Variants in ACTR8 observed in about 807,000 individuals in gnomAD.
The protein encoded by ACTR8 is actin related protein 8.
ACTR8 carries 70 observed loss-of-function variants against 84.3 expected under a neutral mutation model. That is an observed-to-expected ratio of 0.83 (90% CI 0.68 to 1.01). ACTR8 has a LOEUF of 1.01. ACTR8 is among the 50% of genes least tolerant of loss of function. ACTR8 has a pLI of 0.00. For missense variants in ACTR8, 672 were observed against 775.4 expected (o/e 0.87, Z 1.58); for synonymous variants, 268 against 275.2 (o/e 0.97, Z 0.26).
chr3:53,878,945 T>G (rs1164877119), intron 2 of ACTR8, among the ~76,000 whole-genome samples: 1 of 152,234 alleles, frequency 6.6e-6, no homozygotes, highest in African/African-American at 2.4e-5. Flanking sequence ...CTCACAGCAC[T>G]AATCAAAGCA....
chr3:53,870,873 C>G lies in ACTR8; in HGVS notation c.1567+359G>C, dbSNP rs1036461045. 6.6e-6 allele frequency among the ~76,000 whole-genome samples: 1 copy of G among 152,146 alleles called. No homozygotes were observed. The highest frequency in any genetic ancestry group is 1.5e-5 in the Non-Finnish European group (1 of 68,028). Reference sequence around the variant, plus strand: ...CTTTCCCTGCCTCCCACCTTCCATACCATCCCCTAGTGAGTAAAGATTCTA... The same window carrying G: ...CTTTCCCTGCCTCCCACCTTCCATAGCATCCCCTAGTGAGTAAAGATTCTA... On this transcript the variant is annotated intron_variant, in intron 11 of 12. Coordinates refer to ENST00000335754, the MANE Select transcript of ACTR8 (RefSeq NM_022899.5). The surrounding 1 kb of genome is among the most constrained non-coding windows in gnomAD (Gnocchi z 4.1).
intron 12 of ACTR8, among the ~76,000 whole-genome samples, chr3:53,869,163 C>G (rs1348842968): frequency 6.6e-6 from 1 of 152,144 alleles, no homozygotes; most frequent in Non-Finnish European, 1.5e-5. Context: ...CACCTGTAGT[C>G]CCAGCTACTC....
At position 53,874,367 on chromosome 3, in the gene ACTR8, AAAGTT is replaced by A. The variant is rs1387048631; in HGVS notation, c.912-8_912-4del. The A allele has an allele frequency of 5.6e-6, 9 of 1,611,802 alleles. No homozygotes were observed. Among genetic ancestry groups the A allele is most frequent in the Non-Finnish European group, 6.8e-6 (8 of 1,179,356 alleles). ...ATCCTCCGTATGCCAGACAAAGCCT[AAAGTT>A]AAGAGAAAAGGGTAGATGGTTAATC... is the stretch of plus-strand genomic sequence containing the variant. On this transcript the variant is annotated splice_region_variant and splice_polypyrimidine_tract_variant and intron_variant, in intron 7 of 12. Transcript: ENST00000335754.
At position 53,880,243 on chromosome 3, in the gene ACTR8, A is replaced by G; in HGVS notation, c.124-134T>C. 4 of 933,952 alleles carry G rather than the reference A, an allele frequency of 4.3e-6. No individual in the cohort carries two copies. The East Asian group carries it at 1.0e-4, about 24-fold the overall frequency. The allele number at this position is 933,952 out of a possible 1,614,324, so 57.9% of individuals were successfully genotyped here. On this transcript the variant is annotated intron_variant, in intron 1 of 12. Coordinates refer to ENST00000335754, the MANE Select transcript of ACTR8 (RefSeq NM_022899.5). Reference sequence around the variant, plus strand: ...AAATAATTCAATAAAGTTCTTTGAGAAGTATCCAATTACCGCTCTCTACCT... The same window carrying G: ...AAATAATTCAATAAAGTTCTTTGAGGAGTATCCAATTACCGCTCTCTACCT...
chr3:53,877,593 TAGG>T, intron 4 of ACTR8, 51 bp downstream of exon 4: 2 of 1,559,096 alleles, frequency 1.3e-6, no homozygotes, highest in African/African-American at 1.4e-5. Context: ...AAATGAATTT[TAGG>T]AGGAGGATCA....
chr3:53,864,279 G>A (rs1232789202), downstream of ACTR8, among the ~76,000 whole-genome samples: 1 of 152,234 alleles, frequency 6.6e-6, no homozygotes, highest in African/African-American at 2.4e-5. Flanking sequence ...GCTCACGCCT[G>A]TAATCCCAGC....
intron 6 of ACTR8, among the ~76,000 whole-genome samples, 193 bp downstream of exon 6, chr3:53,876,427 G>A (rs1174437175): frequency 6.6e-6 from 1 of 152,032 alleles, no homozygotes; most frequent in Non-Finnish European, 1.5e-5. Flanking sequence ...GCTGAGGCAG[G>A]AGAGTGGCGT....
At chr3:53,866,631 A>G (rs565160048), downstream of ACTR8, among the ~76,000 whole-genome samples, 223 of 146,706 alleles carry the variant, frequency 1.5e-3, no homozygotes, top group Non-Finnish European at 2.2e-3. Context: ...ACAGGCACCC[A>G]CCACCACACC....
At position 53,868,628 on chromosome 3, in the gene ACTR8, A is replaced by C; in HGVS notation, c.*91T>G. 1 of 1,522,190 alleles carries C rather than the reference A, an allele frequency of 6.6e-7. No individual in the cohort carries two copies. The highest frequency in any genetic ancestry group is 8.8e-7 in the Non-Finnish European group (1 of 1,130,214). The allele number at this position is 1,522,190 out of a possible 1,614,324, so 94.3% of individuals were successfully genotyped here. A position where few individuals can be genotyped will look rare whatever the true frequency, so the allele number is the denominator to read the frequency against. On this transcript the variant is annotated 3_prime_UTR_variant, in exon 13 of 13. Transcript: ENST00000335754. The stretch of plus-strand genomic sequence containing the variant: ...TACTGTCCATGACACTTAAGCATCC[A>C]GATCAATAAATTACAATACACATAT...
In ACTR8 at chr3:53,868,597, T is replaced by C. The variant is rs1293035004; in HGVS notation, c.*122A>G. On this transcript the variant is annotated 3_prime_UTR_variant, in exon 13 of 13. Transcript: ENST00000335754. ...TCATGTCCTCAACATAAAGTTCAAA[T>C]TCATTTACTGTCCATGACACTTAAG... 2 of 1,416,860 alleles carry C rather than the reference T, an allele frequency of 1.4e-6. No individual in the cohort carries two copies. The highest frequency in any genetic ancestry group is 2.9e-5 in the African/African-American group (2 of 69,052). The allele number at this position is 1,416,860 out of a possible 1,614,324, so 87.8% of individuals were successfully genotyped here.
rs1395000962 is a variant in ACTR8 at position 53,870,062 on chromosome 3, G to C, written c.1651C>G (p.Leu551Val). Reference sequence around the variant, plus strand: ...ATTTTGTTGAGAATTCTGTGCTGCAGAAATTCTTGAGCTTTATGAAACATC... The same window carrying C: ...ATTTTGTTGAGAATTCTGTGCTGCACAAATTCTTGAGCTTTATGAAACATC... ...GLMFHKAQEF[L>V]QHRILNKMPP... The change falls in exon 12 of 13, where the codon CTG becomes GTG. Residue 551 changes from leucine to valine, a missense_variant. Physicochemically the swap from Leu to Val is conservative, Grantham distance 32 (BLOSUM62 1). Transcript: ENST00000335754. This position sits in a 1 kb window ranked among gnomAD's most constrained non-coding sequence, Gnocchi z 4.1. 1 of 1,614,200 alleles carries C rather than the reference G, an allele frequency of 6.2e-7. No homozygotes were observed. Among genetic ancestry groups the C allele is most frequent in the South Asian group, 1.1e-5 (1 of 91,088 alleles).
In ACTR8 at chr3:53,876,090, G is replaced by GGA. The variant is rs1553706742; in HGVS notation, c.779-11_779-10insTC. On this transcript the variant is annotated splice_polypyrimidine_tract_variant and intron_variant, in intron 6 of 12. Transcript: ENST00000335754. ...TGATGGACCACAATCCCTGGGGGGGGAAAAGAAAAGGCAGAGTAGTCATTA... is the reference window on the plus strand; with the variant it reads ...TGATGGACCACAATCCCTGGGGGGGGGAAAAAGAAAAGGCAGAGTAGTCATTA... The GGA allele has an allele frequency of 5.7e-6, 9 of 1,589,282 alleles. No homozygotes were observed. Among genetic ancestry groups the GGA allele is most frequent in the South Asian group, 4.4e-5 (4 of 89,962 alleles).
Position 53,876,155 on chromosome 3 carries a change from G to A in ACTR8, c.779-75C>T, listed in dbSNP as rs999634447. ...AAGATCCCAAAACAGATAATCAGCT[G>A]AAGCGGGGAGCCTAGGGACCTCTGG... On this transcript the variant is annotated intron_variant, in intron 6 of 12. Coordinates refer to ENST00000335754, the MANE Select transcript of ACTR8 (RefSeq NM_022899.5). 13 of 1,554,204 alleles carry A rather than the reference G, an allele frequency of 8.4e-6. No individual in the cohort carries two copies. In the African/African-American group the frequency reaches 1.4e-4, roughly 16 times the overall value.
chr3:53,867,138 T>A lies in ACTR8; in HGVS notation c.*1581A>T, dbSNP rs1282995416. ...GCTTGTAAGTGCTGGTAATAGAAGA[T>A]GGACATGGTTTAGGTCAAAACTTGG... is the stretch of plus-strand genomic sequence containing the variant. On this transcript the variant is annotated 3_prime_UTR_variant, in exon 13 of 13. Coordinates refer to ENST00000335754, the MANE Select transcript of ACTR8 (RefSeq NM_022899.5). The A allele has an allele frequency of 6.6e-6, 1 of 152,260 alleles. No homozygotes were observed. The highest frequency in any genetic ancestry group is 1.5e-5 in the Non-Finnish European group (1 of 68,048). 9.4% of individuals were successfully genotyped at this position (152,260 alleles called of 1,614,324 possible). A position where few individuals can be genotyped will look rare whatever the true frequency, so the allele number is the denominator to read the frequency against.
chr3:53,876,475 C>A, intron 6 of ACTR8, 145 bp downstream of exon 6: 2 of 593,752 alleles, frequency 3.4e-6, no homozygotes, highest in South Asian at 1.9e-5. Flanking sequence ...GCTGAGATAG[C>A]GCCACTGCAC....
intron 1 of ACTR8, chr3:53,881,606 C>T: frequency 2.8e-6 from 1 of 357,184 alleles, no homozygotes; most frequent in Non-Finnish European, 5.2e-6. Context: ...CAGCCTGGTC[C>T]TAAACTCTAT....
intron 1 of ACTR8, chr3:53,881,741 C>A (rs1041408359): frequency 1.8e-4 from 112 of 617,210 alleles, no homozygotes; most frequent in African/African-American, 1.5e-3. Context: ...GTGGGGCGTG[C>A]GGGAGATCGG....
At chr3:53,860,094 T>G in the ACTR8 span, 2 of 1,398,822 alleles carry the variant, frequency 1.4e-6, no homozygotes, top group Admixed American at 1.8e-5. Context: ...AGTGTGGATT[T>G]GTTTTCCAAA....
At position 53,876,024 on chromosome 3, in the gene ACTR8, T is replaced by C; in HGVS notation, c.835A>G (p.Thr279Ala). The change falls in exon 7 of 13, where the codon ACG (threonine) becomes GCG (alanine). Residue 279 changes from threonine (T) to alanine (A), a missense_variant. Transcript: ENST00000335754. The stretch of plus-strand genomic sequence containing the variant: ...TGGTCCCCAACGTCTACAATACACG[T>C]GCTGCTTAAGCCACTTCCATAGGTG... ...CATYGSGLSSTCIVDVGDQKT... is the reference protein window; with the variant it reads ...CATYGSGLSSACIVDVGDQKT... 1.9e-6 allele frequency: 3 copies of C among 1,614,046 alleles called. No individual in the cohort carries two copies. The highest frequency in any genetic ancestry group is 2.5e-6 in the Non-Finnish European group (3 of 1,180,038).
Sources: allele counts gnomAD v4.1 joint callset (sites outside exome capture counted in the v4.1 genomes callset), GRCh38; gene constraint gnomAD v4.1.1; non-coding constraint Gnocchi (gnomAD v3.1); transcripts MANE v1.5; gene names NCBI Gene and HGNC (gene_info 2026-07-23, HGNC 2026-07-21).